Variants in EMILIN2 observed in about 807,000 individuals in gnomAD.
EMILIN2 encodes elastin microfibril interfacer 2.
Under a neutral mutation model 87.1 loss-of-function variants are expected in EMILIN2, and 71 were observed. The ratio of observed to expected loss-of-function variants is 0.82; its 90% CI spans 0.67 to 0.99. The LOEUF (loss-of-function observed/expected upper bound fraction) is 0.99, where lower values mean the gene tolerates loss of function less well. Ranked by LOEUF, EMILIN2 falls within the 50% of genes least tolerant of loss-of-function variation. EMILIN2 has a pLI of 0.00. For missense variants in EMILIN2, 1,407 were observed against 1,371.8 expected, an observed-to-expected ratio of 1.03 and a Z score of -0.40; for synonymous variants, 581 against 563.4, an observed-to-expected ratio of 1.03 and a Z score of -0.44.
chr18:2,891,319 G>A lies in EMILIN2; in HGVS notation c.1192G>A (p.Asp398Asn), dbSNP rs770864561. ...GCCTTCAGCCCAGGCAAATTGCTGC[G>A]ACAGTGAAAAGAATGGTGACATTGG... ...QEPSAQANCC[D>N]SEKNGDIGQQ... The change falls in exon 4 of 8, where the codon GAC becomes AAC. Residue 398 changes from aspartate to asparagine, a missense_variant. By Grantham distance (23) the Asp-to-Asn change is conservative. Coordinates refer to ENST00000254528, the MANE Select transcript of EMILIN2 (RefSeq NM_032048.3). This position sits in a 1 kb window ranked among gnomAD's most constrained non-coding sequence, Gnocchi z 4.6. 1.7e-5 allele frequency: 27 copies of A among 1,614,044 alleles called. No individual in the cohort carries two copies. The highest frequency in any genetic ancestry group is 2.7e-5 in the African/African-American group (2 of 74,920).
chr18:2,911,997 C>T (rs1192877601), intron 7 of EMILIN2, among the ~76,000 whole-genome samples: 1 of 150,362 alleles, frequency 6.7e-6, no homozygotes, highest in Non-Finnish European at 1.5e-5. Flanking sequence ...TTCTGTTTTC[C>T]AGAGCAGATT....
chr18:2,885,540 A>G (rs747459292), intron 3 of EMILIN2, among the ~76,000 whole-genome samples: 2 of 152,022 alleles, frequency 1.3e-5, no homozygotes, highest in African/African-American at 2.4e-5. Flanking sequence ...TTTTTTTGAG[A>G]TGGAGTCTCG....
intron 6 of EMILIN2, among the ~76,000 whole-genome samples, 164 bp downstream of exon 6, chr18:2,909,139 G>A (rs543992499): frequency 6.6e-6 from 1 of 152,280 alleles, no homozygotes; most frequent in African/African-American, 2.4e-5. Context: ...GCTGACTATA[G>A]TGGACCAAAT....
In EMILIN2 at chr18:2,871,132, T is replaced by A. The variant is rs539279844; in HGVS notation, c.258-13832T>A. On this transcript the variant is annotated intron_variant, in intron 2 of 7. Coordinates refer to ENST00000254528, the MANE Select transcript of EMILIN2 (RefSeq NM_032048.3). ...GGGTTGGGACTCCAAAATATCTTTC[T>A]GGGGGGCACACAATTCAGTCCAGAA... Among the ~76,000 whole-genome samples the A allele has an allele frequency of 2.6e-5, 4 of 152,292 alleles. No homozygotes were observed. The East Asian group carries it at 7.7e-4, about 29-fold the overall frequency.
At chr18:2,856,700 T>C (rs534950840) in intron 2 of EMILIN2, among the ~76,000 whole-genome samples, 6 of 152,318 alleles carry the variant, frequency 3.9e-5, no homozygotes, top group South Asian at 2.1e-4. Flanking sequence ...TGATTTATCA[T>C]TGGCCGCGTG....
chr18:2,900,778 G>C (rs1319282289), intron 4 of EMILIN2, among the ~76,000 whole-genome samples: 1 of 152,176 alleles, frequency 6.6e-6, no homozygotes, highest in Admixed American at 6.5e-5. Context: ...CCAGGAACTA[G>C]AGCTTTGCCA....
At chr18:2,867,973 C>T (rs1442989619) in intron 2 of EMILIN2, among the ~76,000 whole-genome samples, 3 of 150,220 alleles carry the variant, frequency 2.0e-5, no homozygotes, top group African/African-American at 4.9e-5. Context: ...GCTGGCCGGG[C>T]AGGGGGCTGA....
intron 2 of EMILIN2, among the ~76,000 whole-genome samples, chr18:2,868,365 C>G (rs559029898): frequency 8.6e-4 from 130 of 151,970 alleles, no homozygotes; most frequent in South Asian, 2.1e-3. Context: ...TGGGCGGCCA[C>G]GCAGAGACAC....
chr18:2,871,458 G>T (rs1187538061), intron 2 of EMILIN2, among the ~76,000 whole-genome samples: 6 of 152,226 alleles, frequency 3.9e-5, no homozygotes, highest in Non-Finnish European at 8.8e-5. Flanking sequence ...CATGTGGGGT[G>T]AGGGGCACAG....
rs1183219278 is a variant in EMILIN2 at position 2,847,099 on chromosome 18, G to A, written c.-90G>A. On this transcript the variant is annotated 5_prime_UTR_variant, in exon 1 of 8. Coordinates refer to ENST00000254528, the MANE Select transcript of EMILIN2 (RefSeq NM_032048.3). The surrounding 1 kb of genome is among the most constrained non-coding windows in gnomAD (Gnocchi z 4.5). ...GCCCGAGCCTCTTGCCTTCGCGGGC[G>A]GCGCCCTGGCCGCCGGCAGCCTTGT... 3 of 1,071,236 alleles carry A rather than the reference G, an allele frequency of 2.8e-6. No individual in the cohort carries two copies. The highest frequency in any genetic ancestry group is 3.4e-5 in the African/African-American group (2 of 58,296). 66.4% of individuals were successfully genotyped at this position (1,071,236 alleles called of 1,614,324 possible).
At chr18:2,864,461 A>G (rs201212184) in intron 2 of EMILIN2, among the ~76,000 whole-genome samples, 7,898 of 152,138 alleles carry the variant, frequency 0.052, 718 homozygotes, top group East Asian at 0.47. Flanking sequence ...AAAGTATTTT[A>G]TTTCTCCTTC....
At chr18:2,903,008 T>C (rs566570513) in intron 4 of EMILIN2, among the ~76,000 whole-genome samples, 2 of 152,308 alleles carry the variant, frequency 1.3e-5, no homozygotes, top group South Asian at 4.1e-4. Flanking sequence ...GATGCTTTGC[T>C]GACTAACTTA....
Position 2,890,415 on chromosome 18 carries a change from C to T in EMILIN2, c.434-146C>T. On this transcript the variant is annotated intron_variant, in intron 3 of 7. Coordinates refer to ENST00000254528, the MANE Select transcript of EMILIN2 (RefSeq NM_032048.3). The surrounding 1 kb of genome is among the most constrained non-coding windows in gnomAD (Gnocchi z 4.7). ...ACTACAAAGCCCATACTCTTTTCTA[C>T]TGTACCACAGTACTTACCTACAATT... 2 of 902,772 alleles carry T rather than the reference C, an allele frequency of 2.2e-6. No individual in the cohort carries two copies. The highest frequency in any genetic ancestry group is 3.2e-6 in the Non-Finnish European group (2 of 620,320). The allele number at this position is 902,772 out of a possible 1,614,324, so 55.9% of individuals were successfully genotyped here. A position where few individuals can be genotyped will look rare whatever the true frequency, so the allele number is the denominator to read the frequency against.
intron 2 of EMILIN2, among the ~76,000 whole-genome samples, chr18:2,873,954 C>T (rs1345878108): frequency 6.6e-6 from 1 of 152,076 alleles, no homozygotes; most frequent in East Asian, 1.9e-4. Context: ...ACCTTATACC[C>T]TCAAGTTCTC....
rs370295515 is a variant in EMILIN2, at chr18:2,859,554, G to C, written c.257+11623G>C. On this transcript the variant is annotated intron_variant, in intron 2 of 7. Transcript: ENST00000254528. ...CCCTGCTGACTGTTCCTTTTGCCTT[G>C]CAAAAGCTCTTTAGTTTAATTAAGT... Among the ~76,000 whole-genome samples, 10 of 152,200 alleles carry C rather than the reference G, an allele frequency of 6.6e-5. No homozygotes were observed. In the East Asian group the frequency reaches 1.7e-3, roughly 26 times the overall value.
chr18:2,911,722 T>G (rs1310740208), intron 7 of EMILIN2, among the ~76,000 whole-genome samples: 3 of 152,142 alleles, frequency 2.0e-5, no homozygotes, highest in Non-Finnish European at 4.4e-5. Context: ...TTGGACAGGT[T>G]GGGTGGTGCT....
chr18:2,874,867 G>A (rs1472210470), intron 2 of EMILIN2, among the ~76,000 whole-genome samples: 1 of 152,242 alleles, frequency 6.6e-6, no homozygotes, highest in African/African-American at 2.4e-5. Context: ...ATGCTTCTGA[G>A]TGACTGGCAC....
intron 6 of EMILIN2, 24 bp from the exon 7 acceptor site, chr18:2,909,667 C>T: frequency 6.2e-7 from 1 of 1,612,594 alleles, no homozygotes; most frequent in South Asian, 1.1e-5. Flanking sequence ...CGGGTCAATC[C>T]ATTCCATCCT....
intron 2 of EMILIN2, among the ~76,000 whole-genome samples, chr18:2,868,236 C>A (rs545718758): frequency 6.6e-6 from 1 of 151,216 alleles, no homozygotes; most frequent in South Asian, 2.1e-4. Context: ...ACATCTCAGA[C>A]GATGGGCGGC....
Sources: gnomAD v4.1 joint callset for allele counts (sites outside exome capture counted in the v4.1 genomes callset) on GRCh38, gnomAD v4.1.1 for gene constraint, Gnocchi (gnomAD v3.1) non-coding constraint, MANE v1.5 for transcripts, NCBI Gene and HGNC (gene_info 2026-07-23, HGNC 2026-07-21) for gene names.